The following CYRIB variants were observed in gnomAD, a reference collection of about 807,000 sequenced individuals.
CYRIB encodes CYFIP related Rac1 interactor B, also known as CYFIP-related Rac1 interactor B.
Under a neutral mutation model 44.2 loss-of-function variants are expected in CYRIB, and 8 were observed. The observed-to-expected ratio is 0.18, with a 90% confidence interval of 0.11 to 0.33. The LOEUF (loss-of-function observed/expected upper bound fraction) is 0.33, where lower values mean the gene tolerates loss of function less well. Ranked by LOEUF, CYRIB falls within the 10% of genes least tolerant of loss-of-function variation. The pLI is 1.00. For missense variants in CYRIB, 185 were observed against 382.8 expected, an observed-to-expected ratio of 0.48 and a Z score of 4.31; for synonymous variants, 131 against 127.2, an observed-to-expected ratio of 1.03 and a Z score of -0.20.
chr8:129,943,086 A>AACCCCCCCCC (rs2093840896), upstream of CYRIB, among the ~76,000 whole-genome samples: 1 of 101,580 alleles, frequency 9.8e-6, no homozygotes, highest in African/African-American at 3.3e-5. Context: ...TGCACCGCCC[A>AACCCCCCCCC]CCCGCCCCCC....
chr8:129,906,604 G>A (rs1364923969), intron 1 of CYRIB, among the ~76,000 whole-genome samples: 1 of 152,124 alleles, frequency 6.6e-6, no homozygotes, highest in Admixed American at 6.5e-5. Context: ...TGACAAATGA[G>A]ATCTAATTAA....
rs1433652500 is a variant in CYRIB, at chr8:129,876,022, G to A, written c.73+3367C>T. On this transcript the variant is annotated intron_variant, in intron 3 of 11. Transcript: ENST00000519824. ...CCAGCTACTCGGGAGGCTGAGGTAG[G>A]AGAATCACTTGAACCCAGAAGTGGA... 5.3e-5 allele frequency among the ~76,000 whole-genome samples: 8 copies of A among 151,934 alleles called. No homozygotes were observed. The South Asian group carries it at 1.5e-3, about 28-fold the overall frequency.
intron 2 of CYRIB, among the ~76,000 whole-genome samples, chr8:129,959,235 A>T (rs906278979): frequency 4.0e-5 from 6 of 149,292 alleles, no homozygotes; most frequent in African/African-American, 1.5e-4. Context: ...AAAAAAGCAG[A>T]GGAAGTAGTG....
chr8:129,977,839 A>G (rs2096020976), intron 1 of CYRIB, among the ~76,000 whole-genome samples: 1 of 151,970 alleles, frequency 6.6e-6, no homozygotes, highest in African/African-American at 2.4e-5. Context: ...TCCTGTCCTC[A>G]CTCTTTCAAT....
intron 1 of CYRIB, among the ~76,000 whole-genome samples, chr8:129,990,661 A>C (rs2096609214): frequency 6.6e-6 from 1 of 152,088 alleles, no homozygotes; most frequent in Non-Finnish European, 1.5e-5. Flanking sequence ...AGCTGGGACT[A>C]CAGGTATGTG....
intron 2 of CYRIB, among the ~76,000 whole-genome samples, chr8:129,958,052 G>A (rs913605803): frequency 6.6e-6 from 1 of 152,170 alleles, no homozygotes; most frequent in African/African-American, 2.4e-5. Flanking sequence ...AACTACTTGG[G>A]AGGCTGAGGA....
At chr8:129,927,703 AT>A (rs1360404745) in intron 1 of CYRIB, among the ~76,000 whole-genome samples, 1 of 152,130 alleles carries the variant, frequency 6.6e-6, no homozygotes, top group Non-Finnish European at 1.5e-5. Context: ...TATTGTTTCA[AT>A]TTTTTTATAA....
chr8:129,985,119 C>T (rs892008956), intron 1 of CYRIB, among the ~76,000 whole-genome samples: 1 of 152,192 alleles, frequency 6.6e-6, no homozygotes, highest in African/African-American at 2.4e-5. Context: ...CCAGGGTTGC[C>T]ACTCAGTAGC....
intron 1 of CYRIB, among the ~76,000 whole-genome samples, chr8:129,999,456 C>T (rs1476871486): frequency 2.0e-5 from 3 of 152,222 alleles, no homozygotes; most frequent in Admixed American, 6.5e-5. Flanking sequence ...ACGTGCGCCA[C>T]GCACCCAAGG....
At chr8:129,921,586 T>C (rs766461843) in intron 1 of CYRIB, among the ~76,000 whole-genome samples, 1 of 152,218 alleles carries the variant, frequency 6.6e-6, no homozygotes, top group Non-Finnish European at 1.5e-5. Context: ...TTTTGTATTT[T>C]TTTTGGAGAG....
chr8:129,925,218 T>C (rs1185622724), intron 1 of CYRIB, among the ~76,000 whole-genome samples: 1 of 151,888 alleles, frequency 6.6e-6, no homozygotes, highest in African/African-American at 2.4e-5. Context: ...GCCAACATGG[T>C]GAAACCCCGC....
intron 1 of CYRIB, among the ~76,000 whole-genome samples, chr8:129,928,661 A>T (rs904426267): frequency 6.9e-6 from 1 of 144,914 alleles, no homozygotes; most frequent in Non-Finnish European, 1.5e-5. Flanking sequence ...TCCTTTCTTT[A>T]AAAAAAAAAA....
intron 1 of CYRIB, among the ~76,000 whole-genome samples, chr8:129,989,292 C>T (rs909933177): frequency 3.3e-5 from 5 of 152,136 alleles, no homozygotes; most frequent in South Asian, 2.1e-4. Context: ...TCTCTCCTAC[C>T]GGTAAATATG....
intron 2 of CYRIB, chr8:129,947,946 T>G (rs896257047): frequency 1.3e-5 from 2 of 152,252 alleles, no homozygotes; most frequent in African/African-American, 4.8e-5. Context: ...AAGGGAGGTT[T>G]CTTCAATGTC....
intron 1 of CYRIB, among the ~76,000 whole-genome samples, chr8:129,924,602 T>C (rs2086327015): frequency 6.6e-6 from 1 of 152,212 alleles, no homozygotes. Context: ...TTAATGTCCC[T>C]GAACTTTCAT....
chr8:129,961,890 G>A lies in CYRIB; in HGVS notation c.-243+9053C>T, dbSNP rs149848100. Reference sequence around the variant, plus strand: ...TGTCAGAGCCCAGGCCTATGACCTCGGGCAAGTTCCTAAACTCTCTGAGCT... The same window carrying A: ...TGTCAGAGCCCAGGCCTATGACCTCAGGCAAGTTCCTAAACTCTCTGAGCT... On this transcript the variant is annotated intron_variant, in intron 2 of 14. Coordinates refer to the CYRIB transcript ENST00000401979. 9.8e-3 allele frequency among the ~76,000 whole-genome samples: 1,498 copies of A among 152,222 alleles called. 20 individuals carry two copies. Among genetic ancestry groups the A allele is most frequent in the African/African-American group, 0.03 (1,242 of 41,516 alleles).
At chr8:129,856,599 CA>C (rs1435697693) in intron 5 of CYRIB, among the ~76,000 whole-genome samples, 2 of 152,008 alleles carry the variant, frequency 1.3e-5, no homozygotes, top group East Asian at 3.9e-4. Context: ...GTCAGATTAA[CA>C]AACAAATATT....
Position 130,015,400 on chromosome 8 carries a change from G to A in CYRIB, c.-296+970C>T, listed in dbSNP as rs527329285. Among the ~76,000 whole-genome samples the A allele has an allele frequency of 1.6e-4, 24 of 152,182 alleles. 1 individual carries two copies. The highest frequency in any genetic ancestry group is 5.5e-4 in the African/African-American group (23 of 41,524). On this transcript the variant is annotated intron_variant, in intron 1 of 14. Transcript: ENST00000401979. ...CGCTCGTTTTCTCAAGGCCCCACTCGCAGCAGCCCATTTCACAGACGGGAC... is the reference window on the plus strand; with the variant it reads ...CGCTCGTTTTCTCAAGGCCCCACTCACAGCAGCCCATTTCACAGACGGGAC...
At chr8:129,955,537 T>C (rs911779009) in intron 2 of CYRIB, among the ~76,000 whole-genome samples, 1 of 152,176 alleles carries the variant, frequency 6.6e-6, no homozygotes, top group Non-Finnish European at 1.5e-5. Context: ...AGATATTAGA[T>C]AAGCATTTCA....
Sources: gnomAD v4.1 joint callset for allele counts (sites outside exome capture counted in the v4.1 genomes callset) on GRCh38, gnomAD v4.1.1 for gene constraint, MANE v1.5 for transcripts, NCBI Gene and HGNC (gene_info 2026-07-23, HGNC 2026-07-21) for gene names.